Variants in TREH observed in about 807,000 individuals in gnomAD.
TREH encodes the protein alpha,alpha-trehalose glucohydrolase.
A neutral mutation model predicts 80.5 loss-of-function variants in TREH; 69 were observed. The observed-to-expected ratio is 0.86, with a 90% confidence interval of 0.71 to 1.05. The LOEUF (loss-of-function observed/expected upper bound fraction) is 1.05. Ranked by LOEUF, TREH falls within the 50% of genes least tolerant of loss-of-function variation. The probability of loss-of-function intolerance (pLI) is 0.00; values close to 1 mark genes in which losing one functional copy is unlikely to be tolerated. For missense variants in TREH, 716 were observed against 718.8 expected (o/e 1.00, Z 0.04); for synonymous variants, 309 against 293.5 (o/e 1.05, Z -0.54).
chr11:118,659,214 G>A (rs1279022795), intron 12 of TREH, among the ~76,000 whole-genome samples, 156 bp downstream of exon 12: 3 of 152,254 alleles, frequency 2.0e-5, no homozygotes, highest in African/African-American at 7.2e-5. Flanking sequence ...GACAGGCTGG[G>A]TGGACATAAG....
rs782813940 is a variant in TREH at position 118,663,064 on chromosome 11, T to G, written c.323A>C (p.Asp108Ala). The G allele has an allele frequency of 1.9e-6, 3 of 1,613,768 alleles. No individual in the cohort carries two copies. The Admixed American group carries it at 5.0e-5, about 27-fold the overall frequency. The change falls in exon 3 of 15, where the codon GAC becomes GCC. Residue 108 changes from aspartate to alanine, a missense_variant. Coordinates refer to ENST00000264029, the MANE Select transcript of TREH (RefSeq NM_007180.3). ...TCCAGAGTCATACCTGTCTTTCCAG[T>G]CTGCAGGGGTCCAGGGCTGCAGCTC... ...GQELQPWTPA[D>A]WKDSPQFLQK... is the part of the protein sequence containing the mutation.
chr11:118,658,441 C>T lies in TREH; in HGVS notation c.1600G>A (p.Glu534Lys). 1 of 1,610,870 alleles carries T rather than the reference C, an allele frequency of 6.2e-7. No individual in the cohort carries two copies. The highest frequency in any genetic ancestry group is 8.5e-7 in the Non-Finnish European group (1 of 1,179,292). The part of the protein sequence containing the change: ...PGGGGEYEVQ[E>K]GFGWTNGVVL... ...ACGCCATTCGTCCAGCCAAATCCCTCCTGGGAGAGGCAGGGCAGTGGGGCC... is the reference window on the plus strand; with the variant it reads ...ACGCCATTCGTCCAGCCAAATCCCTTCTGGGAGAGGCAGGGCAGTGGGGCC... Residue 534 changes from glutamate to lysine, a missense_variant and splice_region_variant, in exon 15 of 15, where the codon GAG becomes AAG. Transcript: ENST00000264029.
At chr11:118,668,372 T>C (rs1949398377) in intron 1 of TREH, among the ~76,000 whole-genome samples, 1 of 151,424 alleles carries the variant, frequency 6.6e-6, no homozygotes, top group Non-Finnish European at 1.5e-5. Context: ...CTAGCAAACC[T>C]TGGCTAGGCA....
intron 1 of TREH, among the ~76,000 whole-genome samples, chr11:118,672,846 C>G (rs1555146457): frequency 6.6e-6 from 1 of 151,770 alleles, no homozygotes; most frequent in African/African-American, 2.4e-5. Flanking sequence ...TCCTATGTAT[C>G]TGCAGTCCTG....
In TREH at chr11:118,662,801, C is replaced by T. The variant is rs117473781; in HGVS notation, c.423+80G>A. The T allele has an allele frequency of 5.2e-4, 773 of 1,491,254 alleles. 7 individuals carry two copies. In the East Asian group the frequency reaches 0.017, roughly 32 times the overall value. The allele number at this position is 1,491,254 out of a possible 1,614,324, so 92.4% of individuals were successfully genotyped here. A position where few individuals can be genotyped will look rare whatever the true frequency, so the allele number is the denominator to read the frequency against. Reference sequence around the variant, plus strand: ...AGGAAAGGAAACCTGATCTGTGCTCCGAAGACACTGTGGGCCCCAGGCACA... The same window carrying T: ...AGGAAAGGAAACCTGATCTGTGCTCTGAAGACACTGTGGGCCCCAGGCACA... On this transcript the variant is annotated intron_variant, in intron 4 of 14. Coordinates refer to ENST00000264029, the MANE Select transcript of TREH (RefSeq NM_007180.3).
At chr11:118,676,811 A>G (rs1030828002) in intron 1 of TREH, among the ~76,000 whole-genome samples, 37 of 151,534 alleles carry the variant, frequency 2.4e-4, no homozygotes, top group Non-Finnish European at 4.4e-4. Flanking sequence ...AAAAAACACT[A>G]ATCAGGGACC....
Position 118,659,458 on chromosome 11 carries a change from C to G in TREH, c.1344G>C (p.Gln448His), listed in dbSNP as rs1555144355. The change falls in exon 12 of 15, where the codon CAG becomes CAC. Residue 448 changes from glutamine to histidine, a missense_variant. Coordinates refer to ENST00000264029, the MANE Select transcript of TREH (RefSeq NM_007180.3). ...TCTGGAGAGAGGTCGGGATCCCATA[C>G]TGGTAAGTCAGGATCCGGTTGTCCT... ...YLEDNRILTY[Q>H]YGIPTSLQKT... 3 of 1,604,202 alleles carry G rather than the reference C, an allele frequency of 1.9e-6. No homozygotes were observed. Among genetic ancestry groups the G allele is most frequent in the Non-Finnish European group, 1.7e-6 (2 of 1,174,928 alleles).
Position 118,663,364 on chromosome 11 carries a change from C to T in TREH, c.165G>A (p.Val55=). ...CTGGAGCTATAGACAGTGGCATGTC[C>T]ACAAACTGCTTGTCATCCTGGTAGA... ...AKLYQDDKQF[V]DMPLSIAPEQ... Residue 55 remains valine, a synonymous_variant, in exon 2 of 15, where the codon GTG becomes GTA. Coordinates refer to ENST00000264029, the MANE Select transcript of TREH (RefSeq NM_007180.3). 1 of 1,595,794 alleles carries T rather than the reference C, an allele frequency of 6.3e-7. No individual in the cohort carries two copies. The highest frequency in any genetic ancestry group is 8.5e-7 in the Non-Finnish European group (1 of 1,171,042).
At position 118,678,509 on chromosome 11, in the gene TREH, G is replaced by A. The variant is rs559117179; in HGVS notation, c.89+1030C>T. 4.7e-3 allele frequency among the ~76,000 whole-genome samples: 709 copies of A among 151,424 alleles called. 1 individual carries two copies. The highest frequency in any genetic ancestry group is 0.017 in the African/African-American group (686 of 41,184). On this transcript the variant is annotated intron_variant, in intron 1 of 14. Transcript: ENST00000264029. ...CTCCCGAGTAGCTGGGATTACAGGC[G>A]TGCGCCACCATGCCCGGCTAATTTT...
chr11:118,676,549 C>T (rs1429799558), intron 1 of TREH, among the ~76,000 whole-genome samples: 3 of 113,868 alleles, frequency 2.6e-5, no homozygotes, highest in Non-Finnish European at 5.4e-5. Context: ...GGGTGGATTG[C>T]TTGAGGTCAG....
Position 118,658,286 on chromosome 11 carries a change from CTGT to C in TREH, c.1752_*2del. ...CTGGGGCCAGGTGAGGAGAGGAGGG[CTGT>C]CACCATGGCAGGAGGCTGAGCAGGA... On this transcript the variant is annotated stop_lost and 3_prime_UTR_variant, in exon 15 of 15. Transcript: ENST00000264029. 1.3e-6 allele frequency: 2 copies of C among 1,583,072 alleles called. No homozygotes were observed. The highest frequency in any genetic ancestry group is 1.7e-6 in the Non-Finnish European group (2 of 1,165,276).
intron 1 of TREH, among the ~76,000 whole-genome samples, chr11:118,670,369 C>T (rs1231264623): frequency 6.6e-6 from 1 of 152,232 alleles, no homozygotes; most frequent in Non-Finnish European, 1.5e-5. Flanking sequence ...ATACAACAGT[C>T]CAGTCCCTAG....
At chr11:118,675,927 G>T (rs782800653) in intron 1 of TREH, among the ~76,000 whole-genome samples, 2 of 152,104 alleles carry the variant, frequency 1.3e-5, no homozygotes, top group African/African-American at 2.4e-5. Context: ...GCTCTCAAAT[G>T]CCTGGCCTCA....
intron 1 of TREH, among the ~76,000 whole-genome samples, chr11:118,673,721 C>T (rs1440692066): frequency 6.6e-6 from 1 of 152,198 alleles, no homozygotes; most frequent in African/African-American, 2.4e-5. Flanking sequence ...ACAAGGTTCC[C>T]ATTGTCCTTC....
At chr11:118,669,650 A>G (rs1305110824) in intron 1 of TREH, among the ~76,000 whole-genome samples, 1 of 152,224 alleles carries the variant, frequency 6.6e-6, no homozygotes, top group Admixed American at 6.5e-5. Context: ...AATTAAAACA[A>G]TTGAACTCAT....
chr11:118,675,627 C>T lies in TREH; in HGVS notation c.89+3912G>A, dbSNP rs569308021. Among the ~76,000 whole-genome samples, 21 of 152,308 alleles carry T rather than the reference C, an allele frequency of 1.4e-4. No individual in the cohort carries two copies. In the South Asian group the frequency reaches 2.3e-3, roughly 17 times the overall value. On this transcript the variant is annotated intron_variant, in intron 1 of 14. Transcript: ENST00000264029. Reference sequence around the variant, plus strand: ...GCCCTGAATGTAGAGCTTCTGTGTCCTTTCCCCATGGAACCAGGACGTTTC... The same window carrying T: ...GCCCTGAATGTAGAGCTTCTGTGTCTTTTCCCCATGGAACCAGGACGTTTC...
At chr11:118,676,789 A>G (rs1369278367) in intron 1 of TREH, among the ~76,000 whole-genome samples, 34 of 152,050 alleles carry the variant, frequency 2.2e-4, no homozygotes, top group African/African-American at 7.5e-4. Flanking sequence ...AAGAAAGAAA[A>G]AAACAACAAC....
intron 1 of TREH, among the ~76,000 whole-genome samples, chr11:118,670,533 A>C (rs1949421392): frequency 6.6e-6 from 1 of 152,248 alleles, no homozygotes; most frequent in Non-Finnish European, 1.5e-5. Context: ...AGGAGCTTTT[A>C]GCTCAATTCC....
chr11:118,659,969 G>T lies in TREH; in HGVS notation c.1103-5C>A, dbSNP rs782155558. On this transcript the variant is annotated splice_polypyrimidine_tract_variant and splice_region_variant and intron_variant, in intron 10 of 14. Coordinates refer to ENST00000264029, the MANE Select transcript of TREH (RefSeq NM_007180.3). ...TCGTGGCCTGGGAGTCGTTCCCTGG[G>T]GCAGTGCTGCCTTTAGAGCCAGCAG... The T allele has an allele frequency of 5.2e-6, 8 of 1,550,730 alleles. No homozygotes were observed. In the South Asian group the frequency reaches 9.5e-5, roughly 18 times the overall value.
Sources: allele counts gnomAD v4.1 joint callset (sites outside exome capture counted in the v4.1 genomes callset), GRCh38; gene constraint gnomAD v4.1.1; transcripts MANE v1.5; gene names NCBI Gene and HGNC (gene_info 2026-07-23, HGNC 2026-07-21).